Variants in FBLN2 observed in about 807,000 individuals in gnomAD.
FBLN2 encodes the protein fibulin 2.
In FBLN2, 81 loss-of-function variants were observed where a neutral mutation model predicts 123.7. The ratio of observed to expected loss-of-function variants is 0.65; its 90% CI spans 0.55 to 0.79. The LOEUF (loss-of-function observed/expected upper bound fraction) is 0.79. FBLN2 is among the 30% of genes least tolerant of loss of function. The pLI is 0.00. For synonymous variants in FBLN2, 699 were observed against 701.4 expected (o/e 1.00, Z 0.05); for missense variants, 1,603 against 1,681.3 (o/e 0.95, Z 0.81).
At chr3:13,605,492 A>G (rs1019633043) in intron 2 of FBLN2, among the ~76,000 whole-genome samples, 1 of 152,080 alleles carries the variant, frequency 6.6e-6, no homozygotes, top group Non-Finnish European at 1.5e-5. Flanking sequence ...GTTCCTCCAC[A>G]CTTCTGTGTG....
intron 5 of FBLN2, 57 bp downstream of exon 5, chr3:13,614,221 G>A: frequency 6.5e-7 from 1 of 1,545,224 alleles, no homozygotes; most frequent in African/African-American, 1.4e-5. Context: ...TTGACCTCTG[G>A]CCTTCTGTGG....
chr3:13,555,559 A>G (rs1048426230), intron 1 of FBLN2, among the ~76,000 whole-genome samples: 12 of 151,922 alleles, frequency 7.9e-5, no homozygotes, highest in Admixed American at 5.9e-4. Context: ...GGTTCATACC[A>G]TTCTCCTGCC....
chr3:13,574,516 A>T (rs554486993), intron 2 of FBLN2, among the ~76,000 whole-genome samples: 1 of 152,280 alleles, frequency 6.6e-6, no homozygotes, highest in Admixed American at 6.5e-5. Flanking sequence ...GGACATGCTC[A>T]GAGGCAGGGA....
chr3:13,570,086 C>T (rs1308474694), intron 1 of FBLN2, among the ~76,000 whole-genome samples: 1 of 152,118 alleles, frequency 6.6e-6, no homozygotes, highest in Non-Finnish European at 1.5e-5. Context: ...TCAGCGACTC[C>T]AGGTCAACAC....
intron 5 of FBLN2, among the ~76,000 whole-genome samples, chr3:13,614,677 C>CCCACCCAT (rs2124887709): frequency 2.0e-5 from 2 of 98,398 alleles, no homozygotes; most frequent in South Asian, 7.0e-4. Flanking sequence ...CATCCACCTA[C>CCCACCCAT]CCACCCATCC....
Position 13,571,536 on chromosome 3 carries a change from C to G in FBLN2, c.1181C>G (p.Pro394Arg). The change falls in exon 2 of 18, where the codon CCT becomes CGT. Residue 394 changes from proline to arginine, a missense_variant. Pro to Arg is a moderately radical substitution (Grantham distance 103). Coordinates refer to ENST00000404922, the MANE Select transcript of FBLN2 (RefSeq NM_001004019.2). ...SPHNILSTSL[P>R]DAAWIPPTRE... is the part of the protein sequence containing the mutation. ...CACAACATCCTGTCCACATCACTGC[C>G]TGATGCAGCCTGGATCCCACCCACC... is the stretch of plus-strand genomic sequence containing the variant. The G allele has an allele frequency of 1.9e-6, 3 of 1,613,678 alleles. No individual in the cohort carries two copies. Among genetic ancestry groups the G allele is most frequent in the Non-Finnish European group, 2.5e-6 (3 of 1,179,850 alleles).
intron 4 of FBLN2, among the ~76,000 whole-genome samples, chr3:13,612,447 C>T (rs1705437080): frequency 6.6e-6 from 1 of 151,930 alleles, no homozygotes; most frequent in South Asian, 2.1e-4. Context: ...GTGATGCCAT[C>T]TCAGCTCACT....
chr3:13,577,892 G>A (rs1215441294), intron 2 of FBLN2, among the ~76,000 whole-genome samples: 2 of 152,254 alleles, frequency 1.3e-5, no homozygotes, highest in Non-Finnish European at 2.9e-5. Flanking sequence ...GCAACCTGGA[G>A]ATACTCTGCA....
intron 2 of FBLN2, among the ~76,000 whole-genome samples, chr3:13,575,970 T>A (rs1366074894): frequency 6.6e-6 from 1 of 152,132 alleles, no homozygotes; most frequent in African/African-American, 2.4e-5. Flanking sequence ...GGGAGGATCA[T>A]ATCACAGAAA....
intron 2 of FBLN2, among the ~76,000 whole-genome samples, chr3:13,595,830 G>C (rs1050048868): frequency 6.6e-6 from 1 of 152,076 alleles, no homozygotes; most frequent in East Asian, 1.9e-4. Flanking sequence ...CAGAAAATGG[G>C]TAATACCTGC....
At chr3:13,625,442 A>C (rs371077724) in intron 9 of FBLN2, among the ~76,000 whole-genome samples, 13 of 152,084 alleles carry the variant, frequency 8.5e-5, no homozygotes, top group African/African-American at 2.9e-4. Context: ...GACCATTCTC[A>C]AGTTAGTATT....
chr3:13,569,066 G>A, intron 1 of FBLN2: 1 of 986,216 alleles, frequency 1.0e-6, no homozygotes, highest in South Asian at 4.7e-5. Flanking sequence ...GGAGCACGCT[G>A]TCTATAAGAG....
intron 1 of FBLN2, among the ~76,000 whole-genome samples, chr3:13,561,739 G>A (rs1308507031): frequency 6.6e-6 from 1 of 152,186 alleles, no homozygotes; most frequent in Non-Finnish European, 1.5e-5. Flanking sequence ...ATGCGGGTAG[G>A]ACTTTCTTTC....
intron 1 of FBLN2, among the ~76,000 whole-genome samples, chr3:13,553,519 C>T (rs1469048885): frequency 6.6e-6 from 1 of 152,204 alleles, no homozygotes; most frequent in African/African-American, 2.4e-5. Context: ...ACCACAAACT[C>T]GCCTCAGCTG....
chr3:13,618,885 T>C lies in FBLN2; in HGVS notation c.1940-19T>C, dbSNP rs963194496. ...CCTGAGACCTCCCTGCAACCCCCACTCTGCTCTACCCATGACAGAGGGTCA... is the reference window on the plus strand; with the variant it reads ...CCTGAGACCTCCCTGCAACCCCCACCCTGCTCTACCCATGACAGAGGGTCA... On this transcript the variant is annotated intron_variant, in intron 6 of 17. Transcript: ENST00000404922. 1.9e-6 allele frequency: 3 copies of C among 1,600,018 alleles called. No homozygotes were observed. Among genetic ancestry groups the C allele is most frequent in the African/African-American group, 2.7e-5 (2 of 74,658 alleles).
intron 2 of FBLN2, among the ~76,000 whole-genome samples, chr3:13,573,800 G>A (rs1000437340): frequency 4.6e-5 from 7 of 151,926 alleles, no homozygotes; most frequent in Non-Finnish European, 7.4e-5. Flanking sequence ...CTACTTGGGC[G>A]GCTGAGGCAG....
intron 9 of FBLN2, among the ~76,000 whole-genome samples, chr3:13,623,085 C>T (rs541106610): frequency 1.3e-5 from 2 of 152,352 alleles, no homozygotes; most frequent in South Asian, 2.1e-4. Flanking sequence ...ACTGGGCACA[C>T]GGGCCCATGG....
chr3:13,600,133 G>C (rs1704981769), intron 2 of FBLN2, among the ~76,000 whole-genome samples: 1 of 150,660 alleles, frequency 6.6e-6, no homozygotes, highest in South Asian at 2.1e-4. Context: ...AGGAGACCTA[G>C]AGGAGAGGAG....
chr3:13,609,689 C>CGGGGGGGGGGGGGGGGGGGG, intron 4 of FBLN2, 47 bp downstream of exon 4: 1 of 428,812 alleles, frequency 2.3e-6, no homozygotes, highest in Middle Eastern at 7.3e-4. Flanking sequence ...TGGGGCGGGG[C>CGGGGGGGGGGGGGGGGGGGG]GGGAGGCTGG....
Sources: gnomAD v4.1 joint callset for allele counts (sites outside exome capture counted in the v4.1 genomes callset) on GRCh38, gnomAD v4.1.1 for gene constraint, MANE v1.5 for transcripts, NCBI Gene and HGNC (gene_info 2026-07-23, HGNC 2026-07-21) for gene names.